ADSS1: variants seen among roughly 807,000 people sequenced by gnomAD.
The protein encoded by ADSS1 is adenylosuccinate synthase 1.
ADSS1 carries 57 observed loss-of-function variants against 59.1 expected under a neutral mutation model. The observed-to-expected ratio is 0.97, with a 90% CI of 0.78 to 1.20. ADSS1 has a LOEUF of 1.20. Ranked by LOEUF, ADSS1 falls within the 50% of genes most tolerant of loss-of-function variation. The pLI is 0.00. For synonymous variants in ADSS1, 247 were observed against 249.4 expected (o/e 0.99, Z 0.09); for missense variants, 603 against 610.3 (o/e 0.99, Z 0.13).
At position 104,746,430 on chromosome 14, in the gene ADSS1, C is replaced by G. The variant is rs200478879; in HGVS notation, c.1321+45C>G. The G allele has an allele frequency of 1.9e-6, 3 of 1,578,632 alleles. No individual in the cohort carries two copies. The Admixed American group carries it at 5.3e-5, about 28-fold the overall frequency. On this transcript the variant is annotated intron_variant, in intron 12 of 12. Transcript: ENST00000330877. ...AGCCACCCTCCCTGCACCCTGGATG[C>G]CCCAAGGGGCCCACATCCCAGCGCA...
intron 1 of ADSS1, among the ~76,000 whole-genome samples, chr14:104,727,241 G>A (rs1890741063): frequency 6.6e-6 from 1 of 152,132 alleles, no homozygotes; most frequent in Non-Finnish European, 1.5e-5. Flanking sequence ...CTCCCGCCTT[G>A]GGTCCACCTT....
chr14:104,746,885 A>G, intron 12 of ADSS1, 66 bp from the exon 13 acceptor site: 1 of 1,546,788 alleles, frequency 6.5e-7, no homozygotes, highest in South Asian at 1.1e-5. Flanking sequence ...ATACGACACT[A>G]AAGACAACTT....
Position 104,724,312 on chromosome 14 carries a change from A to G in ADSS1, c.42A>G (p.Ala14=), listed in dbSNP as rs1242194471. ...CCTCCAACGACCGGCCCCCCGGCGC[A>G]GGCGGCGTCAAGCGGGGGCGGCTGC... The part of the protein sequence containing the change: ...TRASNDRPPG[A]GGVKRGRLQQ... Residue 14 remains alanine (A), a synonymous_variant, in exon 1 of 13, where the codon GCA becomes GCG. Coordinates refer to ENST00000330877, the MANE Select transcript of ADSS1 (RefSeq NM_152328.5). 2 of 1,235,572 alleles carry G rather than the reference A, an allele frequency of 1.6e-6. No homozygotes were observed. Among genetic ancestry groups the G allele is most frequent in the Non-Finnish European group, 2.0e-6 (2 of 987,286 alleles). The allele number at this position is 1,235,572 out of a possible 1,614,324, so 76.5% of individuals were successfully genotyped here. A position where few individuals can be genotyped will look rare whatever the true frequency, so the allele number is the denominator to read the frequency against.
intron 9 of ADSS1, among the ~76,000 whole-genome samples, chr14:104,742,752 G>A (rs921718483): frequency 6.6e-6 from 1 of 152,146 alleles, no homozygotes; most frequent in Non-Finnish European, 1.5e-5. Context: ...GCTGCCCATG[G>A]CAGGAGGGGA....
rs1271107940 is a variant in ADSS1 at position 104,740,300 on chromosome 14, GCA to G, written c.477-298_477-297del. 2.6e-5 allele frequency among the ~76,000 whole-genome samples: 4 copies of G among 151,974 alleles called. No homozygotes were observed. Among genetic ancestry groups the G allele is most frequent in the East Asian group, 3.9e-4 (2 of 5,174 alleles). On this transcript the variant is annotated intron_variant, in intron 5 of 12. Coordinates refer to ENST00000330877, the MANE Select transcript of ADSS1 (RefSeq NM_152328.5). This position sits in a 1 kb window ranked among gnomAD's most constrained non-coding sequence, Gnocchi z 4.8. Reference sequence around the variant, plus strand: ...ACACACCACACGCCCACGCATGCTCGCACAGTTATGCACATGTGCACACGCCA... The same window carrying G: ...ACACACCACACGCCCACGCATGCTCGCAGTTATGCACATGTGCACACGCCA...
intron 2 of ADSS1, among the ~76,000 whole-genome samples, chr14:104,736,881 G>GAGATATATATATATATAT (rs1555378550): frequency 9.4e-6 from 1 of 106,588 alleles, no homozygotes; most frequent in African/African-American, 3.6e-5. Flanking sequence ...GCACCTAGCT[G>GAGATATATATATATATAT]ATATATATAT....
chr14:104,741,054 G>C (rs1206527007), intron 7 of ADSS1, 63 bp from the exon 8 acceptor site: 1 of 1,585,064 alleles, frequency 6.3e-7, no homozygotes, highest in Non-Finnish European at 8.6e-7. Flanking sequence ...CAACCTTCTT[G>C]GGACGCAGGC....
rs1482642454 is a variant in ADSS1, at chr14:104,724,390, GT to G, written c.121del (p.Trp41GlyfsTer81). 7.9e-7 allele frequency: 1 copy of G among 1,259,456 alleles called. No homozygotes were observed. The highest frequency in any genetic ancestry group is 3.9e-5 in the Admixed American group (1 of 25,518). 78.0% of individuals were successfully genotyped at this position (1,259,456 alleles called of 1,614,324 possible). On this transcript the variant is annotated frameshift_variant, in exon 1 of 13. Transcript: ENST00000330877. LOFTEE classifies it high-confidence loss of function. Reference sequence around the variant, plus strand: ...GCGTGACGGTGGTGCTGGGCGCGCAGTGGGGGGACGAGGGCAAAGGCAAGGT... The same window carrying G: ...GCGTGACGGTGGTGCTGGGCGCGCAGGGGGGGACGAGGGCAAAGGCAAGGT... ...SRVTVVLGAQ[W>X]GDEGKGKVVD... is the part of the protein sequence containing the mutation.
chr14:104,738,874 G>A (rs914625966), intron 3 of ADSS1, among the ~76,000 whole-genome samples: 1 of 152,258 alleles, frequency 6.6e-6, no homozygotes, highest in South Asian at 2.1e-4. Context: ...GGCAGCCTGA[G>A]TGGGTCTGGG....
chr14:104,741,500 C>G (rs543021017), intron 8 of ADSS1, among the ~76,000 whole-genome samples: 13 of 152,254 alleles, frequency 8.5e-5, no homozygotes, highest in Admixed American at 2.6e-4. Flanking sequence ...GGGAGCCTGG[C>G]AAGGTGGGTC....
intron 1 of ADSS1, among the ~76,000 whole-genome samples, chr14:104,728,932 C>T (rs903029707): frequency 4.6e-5 from 7 of 152,184 alleles, no homozygotes; most frequent in African/African-American, 1.4e-4. Flanking sequence ...GGGCCTGGCA[C>T]AGCTAGGGCC....
At chr14:104,738,100 G>C (rs932662031) in intron 2 of ADSS1, 1 of 282,408 alleles carries the variant, frequency 3.5e-6, no homozygotes, top group Non-Finnish European at 6.9e-6. Context: ...AGGTTCAAGC[G>C]ATTCTCCTGC....
rs149277877 is a variant in ADSS1, at chr14:104,730,328, A to G, written c.193-4692A>G. On this transcript the variant is annotated intron_variant, in intron 1 of 12. Transcript: ENST00000330877. ...GGCCAAGTGAAACCCGGTTTCTACT[A>G]AAAATACAAAAATTATCTGGGCATG... 2.8e-4 allele frequency: 331 copies of G among 1,170,372 alleles called. No individual in the cohort carries two copies. In the East Asian group the frequency reaches 8.9e-3, roughly 32 times the overall value. The allele number at this position is 1,170,372 out of a possible 1,614,324, so 72.5% of individuals were successfully genotyped here. A position where few individuals can be genotyped will look rare whatever the true frequency, so the allele number is the denominator to read the frequency against.
At position 104,729,061 on chromosome 14, in the gene ADSS1, G is replaced by A. The variant is rs570922100; in HGVS notation, c.192+4599G>A. ...ATGGGAGGTAGCGAGCCTCGTCCAGGTGTTGCTGCAGGTAGGGCTGACGAT... is the reference window on the plus strand; with the variant it reads ...ATGGGAGGTAGCGAGCCTCGTCCAGATGTTGCTGCAGGTAGGGCTGACGAT... On this transcript the variant is annotated intron_variant, in intron 1 of 12. Transcript: ENST00000330877. 1.1e-4 allele frequency among the ~76,000 whole-genome samples: 16 copies of A among 152,296 alleles called. No individual in the cohort carries two copies. In the East Asian group the frequency reaches 2.9e-3, roughly 28 times the overall value.
At chr14:104,727,459 T>C (rs1005691380) in intron 1 of ADSS1, among the ~76,000 whole-genome samples, 4 of 151,968 alleles carry the variant, frequency 2.6e-5, no homozygotes, top group Non-Finnish European at 4.4e-5. Flanking sequence ...CAAGCCTCTC[T>C]CCCCTCCAGG....
rs1376060891 is a variant in ADSS1 at position 104,735,076 on chromosome 14, C to T, written c.249C>T (p.His83=). 2.5e-6 allele frequency: 4 copies of T among 1,613,490 alleles called. No individual in the cohort carries two copies. In the East Asian group the frequency reaches 6.7e-5, roughly 27 times the overall value. The part of the protein sequence containing the change: ...VVVDGKEYDF[H]LLPSGIINTK... ...TGGATGGGAAAGAGTACGACTTCCACCTGCTGCCCAGCGGCATCATCAACA... is the reference window on the plus strand; with the variant it reads ...TGGATGGGAAAGAGTACGACTTCCATCTGCTGCCCAGCGGCATCATCAACA... Residue 83 remains histidine, a synonymous_variant, in exon 2 of 13, where the codon CAC becomes CAT. Transcript: ENST00000330877.
At chr14:104,739,876 C>G in intron 5 of ADSS1, 60 bp downstream of exon 5, 1 of 1,576,270 alleles carries the variant, frequency 6.3e-7, no homozygotes, top group Non-Finnish European at 8.7e-7. Context: ...AGCCGGTAGA[C>G]TGTGGGGCGT....
At chr14:104,725,981 C>A (rs1361033114) in intron 1 of ADSS1, among the ~76,000 whole-genome samples, 2 of 152,188 alleles carry the variant, frequency 1.3e-5, no homozygotes, top group African/African-American at 4.8e-5. Context: ...CCTGCTGTGC[C>A]CCCCACCCAG....
chr14:104,728,330 G>A (rs1032378249), intron 1 of ADSS1, among the ~76,000 whole-genome samples: 2 of 152,094 alleles, frequency 1.3e-5, no homozygotes, highest in Non-Finnish European at 2.9e-5. Flanking sequence ...TTACTGGGCC[G>A]TGGCTCCAGG....
Sources: allele counts gnomAD v4.1 joint callset (sites outside exome capture counted in the v4.1 genomes callset), GRCh38; gene constraint gnomAD v4.1.1; non-coding constraint Gnocchi (gnomAD v3.1); transcripts MANE v1.5; gene names NCBI Gene and HGNC (gene_info 2026-07-23, HGNC 2026-07-21).